The following DLG2 variants were observed in gnomAD, a reference collection of about 807,000 sequenced individuals.
The protein encoded by DLG2 is discs large MAGUK scaffold protein 2.
A neutral mutation model predicts 132.5 loss-of-function variants in DLG2; 45 were observed. The ratio of observed to expected loss-of-function variants is 0.34; its 90% confidence interval spans 0.27 to 0.44. The LOEUF is 0.44. Ranked by LOEUF, DLG2 falls within the 20% of genes least tolerant of loss-of-function variation. The pLI is 1.00. For missense variants in DLG2, 1,045 were observed against 1,196.9 expected, an observed-to-expected ratio of 0.87 and a Z score of 1.87; for synonymous variants, 424 against 419.6, an observed-to-expected ratio of 1.01 and a Z score of -0.13.
Position 83,503,410 on chromosome 11 carries a change from T to G in DLG2, c.2194-19182A>C, listed in dbSNP as rs1168169030. ...ATATATATATATATATATATATATA[T>G]ATATATATATATAGATAGATCTAAT... On this transcript the variant is annotated intron_variant, in intron 21 of 27. Coordinates refer to ENST00000376104, the MANE Select transcript of DLG2 (RefSeq NM_001142699.3). 2.2e-3 allele frequency among the ~76,000 whole-genome samples: 218 copies of G among 98,054 alleles called. 6 individuals are homozygous for G. Among genetic ancestry groups the G allele is most frequent in the African/African-American group, 5.8e-3 (137 of 23,746 alleles). 64.3% of individuals were successfully genotyped at this position (98,054 alleles called of 152,430 possible). A position where few individuals can be genotyped will look rare whatever the true frequency, so the allele number is the denominator to read the frequency against.
intron 6 of DLG2, among the ~76,000 whole-genome samples, chr11:84,908,623 T>C (rs1464447680): frequency 1.3e-5 from 2 of 151,788 alleles, no homozygotes; most frequent in Non-Finnish European, 2.9e-5. Flanking sequence ...TTAGACCTCA[T>C]CGGAAAGAAA....
chr11:83,523,875 A>G (rs1293374832), intron 21 of DLG2, among the ~76,000 whole-genome samples: 1 of 151,576 alleles, frequency 6.6e-6, no homozygotes, highest in African/African-American at 2.4e-5. Flanking sequence ...GCCAAGCTCC[A>G]TCTTCCTGCC....
intron 3 of DLG2, among the ~76,000 whole-genome samples, chr11:85,404,130 A>G (rs564971673): frequency 2.6e-5 from 4 of 152,034 alleles, no homozygotes; most frequent in African/African-American, 9.7e-5. Context: ...GGATTAGAAG[A>G]TAAGGGTAGG....
intron 3 of DLG2, among the ~76,000 whole-genome samples, chr11:85,540,845 AG>A (rs1408010419): frequency 6.6e-6 from 1 of 152,242 alleles, no homozygotes; most frequent in Non-Finnish European, 1.5e-5. Flanking sequence ...TTGAGCAGCC[AG>A]GCACCAAAGA....
intron 9 of DLG2, among the ~76,000 whole-genome samples, chr11:84,144,558 T>A (rs997563007): frequency 6.6e-6 from 1 of 152,118 alleles, no homozygotes; most frequent in Non-Finnish European, 1.5e-5. Context: ...TCATGTCAGC[T>A]TCTAGCAAAG....
At position 84,118,682 on chromosome 11, in the gene DLG2, C is replaced by T. The variant is rs77712901; in HGVS notation, c.625-19635G>A. On this transcript the variant is annotated intron_variant, in intron 9 of 27. Coordinates refer to ENST00000376104, the MANE Select transcript of DLG2 (RefSeq NM_001142699.3). ...TATAAACAATTTCTTTTGTTCTTTA[C>T]TCATCCTTTCAGCAGCAGAAGCAGG... 4.0e-4 allele frequency among the ~76,000 whole-genome samples: 61 copies of T among 152,254 alleles called. No individual in the cohort carries two copies. In the East Asian group the frequency reaches 0.011, roughly 27 times the overall value.
chr11:83,869,652 C>T (rs2063060799), intron 16 of DLG2, among the ~76,000 whole-genome samples: 1 of 152,052 alleles, frequency 6.6e-6, no homozygotes. Context: ...TTTTGTTTTT[C>T]TTTTTGATAC....
At chr11:84,993,526 A>C (rs1312666912) in intron 6 of DLG2, among the ~76,000 whole-genome samples, 1 of 152,198 alleles carries the variant, frequency 6.6e-6, no homozygotes, top group Non-Finnish European at 1.5e-5. Context: ...TGGGAAGTTT[A>C]TCTTACTAAC....
At chr11:83,559,546 C>T (rs2096575837) in intron 19 of DLG2, among the ~76,000 whole-genome samples, 1 of 152,130 alleles carries the variant, frequency 6.6e-6, no homozygotes, top group South Asian at 2.1e-4. Context: ...AGTTATTGGT[C>T]CACAGTTGAT....
At chr11:84,182,891 GA>G (rs1475089930) in intron 8 of DLG2, among the ~76,000 whole-genome samples, 1 of 152,058 alleles carries the variant, frequency 6.6e-6, no homozygotes, top group Non-Finnish European at 1.5e-5. Context: ...GCTAATATTA[GA>G]AAAGAAACAC....
intron 9 of DLG2, among the ~76,000 whole-genome samples, chr11:84,127,786 G>T (rs987902936): frequency 4.6e-5 from 7 of 152,016 alleles, no homozygotes; most frequent in Non-Finnish European, 8.8e-5. Flanking sequence ...CTGTCTCTGT[G>T]TCTAAATTTC....
chr11:85,584,739 C>T (rs1168815284), intron 3 of DLG2, among the ~76,000 whole-genome samples: 1 of 152,132 alleles, frequency 6.6e-6, no homozygotes, highest in Non-Finnish European at 1.5e-5. Flanking sequence ...ATTTGCATTT[C>T]CCTGATCATT....
chr11:84,554,465 G>A (rs2099407878), intron 6 of DLG2, among the ~76,000 whole-genome samples: 1 of 152,058 alleles, frequency 6.6e-6, no homozygotes, highest in Non-Finnish European at 1.5e-5. Context: ...AAAGAAAATG[G>A]GCCGGGTGCG....
At chr11:84,877,664 A>G (rs990380302) in intron 6 of DLG2, among the ~76,000 whole-genome samples, 3 of 151,932 alleles carry the variant, frequency 2.0e-5, no homozygotes, top group Admixed American at 1.3e-4. Context: ...TTGCCAGTCC[A>G]TGTCTTTTAA....
chr11:84,190,310 G>T (rs1439587660), intron 8 of DLG2, among the ~76,000 whole-genome samples: 3 of 152,124 alleles, frequency 2.0e-5, no homozygotes, highest in Admixed American at 2.0e-4. Context: ...GTACTACAAG[G>T]ACTTTACTAT....
chr11:83,781,117 A>C (rs1398589451), intron 18 of DLG2, among the ~76,000 whole-genome samples: 1 of 152,206 alleles, frequency 6.6e-6, no homozygotes, highest in Admixed American at 6.5e-5. Context: ...AAACTCTAGA[A>C]TAATTCATTT....
At chr11:84,923,296 G>A (rs149283068) in intron 6 of DLG2, 2 of 1,439,658 alleles carry the variant, frequency 1.4e-6, no homozygotes, top group Non-Finnish European at 1.8e-6. Context: ...CACTGAGTGA[G>A]AGCTCAAAAT....
chr11:84,685,004 ATT>A (rs2099736839), intron 6 of DLG2, among the ~76,000 whole-genome samples: 1 of 152,178 alleles, frequency 6.6e-6, no homozygotes, highest in African/African-American at 2.4e-5. Context: ...TCTCTTTTTG[ATT>A]CTTACTTAGA....
chr11:85,480,413 A>G (rs975834506), intron 3 of DLG2, among the ~76,000 whole-genome samples: 4 of 151,746 alleles, frequency 2.6e-5, no homozygotes, highest in African/African-American at 9.7e-5. Flanking sequence ...ATGAAGCAAG[A>G]AAAAAAAAGT....
Sources: allele counts gnomAD v4.1 joint callset (sites outside exome capture counted in the v4.1 genomes callset), GRCh38; gene constraint gnomAD v4.1.1; transcripts MANE v1.5; gene names NCBI Gene and HGNC (gene_info 2026-07-23, HGNC 2026-07-21).